GPR83: variants seen among roughly 807,000 people sequenced by gnomAD.
The protein encoded by GPR83 is G protein-coupled receptor 83.
In GPR83, 23 loss-of-function variants were observed where a neutral mutation model predicts 28.0. The observed-to-expected ratio is 0.82, with a 90% confidence interval of 0.59 to 1.16. The LOEUF (loss-of-function observed/expected upper bound fraction) is 1.16. Among genes scored for constraint, GPR83 ranks in the 50% most tolerant of loss-of-function variants. The pLI, the probability that GPR83 is intolerant of heterozygous loss-of-function variation, is 0.00. For synonymous variants in GPR83, 234 were observed against 215.4 expected, an observed-to-expected ratio of 1.09 and a Z score of -0.76; for missense variants, 610 against 536.6, an observed-to-expected ratio of 1.14 and a Z score of -1.35.
At chr11:94,394,568 G>T (rs1267631826) in intron 2 of GPR83, among the ~76,000 whole-genome samples, 1 of 152,206 alleles carries the variant, frequency 6.6e-6, no homozygotes, top group African/African-American at 2.4e-5. Context: ...GTCAGGAAGA[G>T]CTGGCACCAC....
rs546280861 is a variant in GPR83 at position 94,379,986 on chromosome 11, T to A, written c.*163A>T. ...TTGGTGGTGCCTTTTAGTTTTCACA[T>A]CACATGGGGCTAGGAGGCTGGACAG... On this transcript the variant is annotated 3_prime_UTR_variant, in exon 4 of 4. Coordinates refer to ENST00000243673, the MANE Select transcript of GPR83 (RefSeq NM_016540.4). 276 of 482,350 alleles carry A rather than the reference T, an allele frequency of 5.7e-4. No homozygotes were observed. Among genetic ancestry groups the A allele is most frequent in the Non-Finnish European group, 9.1e-4 (257 of 283,594 alleles). 29.9% of individuals were successfully genotyped at this position (482,350 alleles called of 1,614,324 possible). A position where few individuals can be genotyped will look rare whatever the true frequency, so the allele number is the denominator to read the frequency against.
chr11:94,400,826 A>G, intron 1 of GPR83, 35 bp downstream of exon 1: 1 of 1,600,978 alleles, frequency 6.2e-7, no homozygotes, highest in Non-Finnish European at 8.5e-7. Flanking sequence ...GGAGACGAAG[A>G]CAGAAGGTGG....
rs1944714719 is a variant in GPR83 at position 94,383,468 on chromosome 11, C to A, written c.648-2695G>T. 2.0e-5 allele frequency among the ~76,000 whole-genome samples: 3 copies of A among 151,994 alleles called. No homozygotes were observed. The South Asian group carries it at 6.2e-4, about 32-fold the overall frequency. On this transcript the variant is annotated intron_variant, in intron 3 of 3. Transcript: ENST00000243673. Reference sequence around the variant, plus strand: ...AACAAATTCAAAAGCTAGCAGAAGGCAAGAAATAACAAAGATCAGAGCAGA... The same window carrying A: ...AACAAATTCAAAAGCTAGCAGAAGGAAAGAAATAACAAAGATCAGAGCAGA...
intron 3 of GPR83, among the ~76,000 whole-genome samples, chr11:94,390,145 G>C (rs999206217): frequency 4.0e-5 from 6 of 149,900 alleles, no homozygotes; most frequent in Admixed American, 1.3e-4. Context: ...ACAGGAAGGG[G>C]AATATCACAC....
chr11:94,401,329 G>C lies in GPR83; in HGVS notation c.-82C>G. 4 of 1,377,502 alleles carry C rather than the reference G, an allele frequency of 2.9e-6. No individual in the cohort carries two copies. The highest frequency in any genetic ancestry group is 3.9e-6 in the Non-Finnish European group (4 of 1,035,826). 85.3% of individuals were successfully genotyped at this position (1,377,502 alleles called of 1,614,324 possible). On this transcript the variant is annotated 5_prime_UTR_variant, in exon 1 of 4. Coordinates refer to ENST00000243673, the MANE Select transcript of GPR83 (RefSeq NM_016540.4). Reference sequence around the variant, plus strand: ...GGATCGGAGCGCGCAGCCGGGGTGCGGGGCGCACAGCATACAAGGCCGTCC... The same window carrying C: ...GGATCGGAGCGCGCAGCCGGGGTGCCGGGCGCACAGCATACAAGGCCGTCC...
At chr11:94,399,026 G>T (rs866280934) in intron 1 of GPR83, among the ~76,000 whole-genome samples, 1 of 152,108 alleles carries the variant, frequency 6.6e-6, no homozygotes, top group Non-Finnish European at 1.5e-5. Flanking sequence ...CTGTCCTCGC[G>T]TCCATGGCCT....
intron 2 of GPR83, among the ~76,000 whole-genome samples, chr11:94,394,989 G>T (rs2134694997): frequency 6.6e-6 from 1 of 152,284 alleles, no homozygotes; most frequent in Non-Finnish European, 1.5e-5. Context: ...GTTAAATTAA[G>T]GGAGATGGTT....
intron 3 of GPR83, among the ~76,000 whole-genome samples, chr11:94,387,035 G>T (rs1028575873): frequency 3.3e-5 from 5 of 152,062 alleles, no homozygotes; most frequent in African/African-American, 7.2e-5. Context: ...ACTCAAAACC[G>T]CTCAACTACA....
At chr11:94,386,422 A>T (rs1944756438) in intron 3 of GPR83, among the ~76,000 whole-genome samples, 1 of 152,212 alleles carries the variant, frequency 6.6e-6, no homozygotes, top group African/African-American at 2.4e-5. Flanking sequence ...TAAAGAGTCA[A>T]GTCCCATCAG....
At chr11:94,386,020 C>A (rs1356665198) in intron 3 of GPR83, among the ~76,000 whole-genome samples, 1 of 152,102 alleles carries the variant, frequency 6.6e-6, no homozygotes, top group Non-Finnish European at 1.5e-5. Context: ...CCCTACAAGC[C>A]AGAAGAGAGT....
At chr11:94,389,269 G>A (rs1472765966) in intron 3 of GPR83, among the ~76,000 whole-genome samples, 2 of 152,170 alleles carry the variant, frequency 1.3e-5, no homozygotes, top group Admixed American at 6.5e-5. Flanking sequence ...CATGGGCAAG[G>A]ACTTCATGTC....
Position 94,385,106 on chromosome 11 carries a change from G to A in GPR83, c.648-4333C>T, listed in dbSNP as rs551545981. 1.4e-4 allele frequency among the ~76,000 whole-genome samples: 21 copies of A among 152,272 alleles called. No homozygotes were observed. The South Asian group carries it at 1.4e-3, about 11-fold the overall frequency. On this transcript the variant is annotated intron_variant, in intron 3 of 3. Coordinates refer to ENST00000243673, the MANE Select transcript of GPR83 (RefSeq NM_016540.4). Reference sequence around the variant, plus strand: ...CAAACAGGGTCTGAAGTGGACCTCCGGCAAACTCCAACAGACCTGAAGCTG... The same window carrying A: ...CAAACAGGGTCTGAAGTGGACCTCCAGCAAACTCCAACAGACCTGAAGCTG...
chr11:94,384,956 C>T (rs1944734613), intron 3 of GPR83, among the ~76,000 whole-genome samples: 1 of 152,212 alleles, frequency 6.6e-6, no homozygotes, highest in East Asian at 1.9e-4. Context: ...CCAGGAGGGG[C>T]AGACTGACAT....
intron 2 of GPR83, among the ~76,000 whole-genome samples, chr11:94,394,408 C>T (rs1944846363): frequency 6.6e-6 from 1 of 152,216 alleles, no homozygotes; most frequent in Non-Finnish European, 1.5e-5. Context: ...GACTGAAATG[C>T]ATCTTGGAGT....
At chr11:94,388,193 A>G (rs1344433709) in intron 3 of GPR83, among the ~76,000 whole-genome samples, 1 of 152,226 alleles carries the variant, frequency 6.6e-6, no homozygotes, top group African/African-American at 2.4e-5. Flanking sequence ...AGAGCTATCT[A>G]TGACAAACCC....
In GPR83 at chr11:94,378,676, T is replaced by C. The variant is rs1554990608; in HGVS notation, c.*1473A>G. On this transcript the variant is annotated 3_prime_UTR_variant, in exon 4 of 4. Coordinates refer to ENST00000243673, the MANE Select transcript of GPR83 (RefSeq NM_016540.4). Reference sequence around the variant, plus strand: ...TTTGAGAAATGGTGTGAAAAAACCCTCATTATTTAGACAACACAGCGAAAT... The same window carrying C: ...TTTGAGAAATGGTGTGAAAAAACCCCCATTATTTAGACAACACAGCGAAAT... 1 of 152,642 alleles carries C rather than the reference T, an allele frequency of 6.6e-6. No homozygotes were observed. The highest frequency in any genetic ancestry group is 2.1e-4 in the South Asian group (1 of 4,824). 9.5% of individuals were successfully genotyped at this position (152,642 alleles called of 1,614,324 possible). A position where few individuals can be genotyped will look rare whatever the true frequency, so the allele number is the denominator to read the frequency against.
intron 1 of GPR83, among the ~76,000 whole-genome samples, chr11:94,397,612 G>T (rs1170130865): frequency 1.3e-5 from 2 of 152,214 alleles, no homozygotes; most frequent in Non-Finnish European, 2.9e-5. Flanking sequence ...TGTAAAATGG[G>T]CTAACCCTTT....
chr11:94,397,122 C>T (rs1591608675), intron 1 of GPR83, among the ~76,000 whole-genome samples: 2 of 152,170 alleles, frequency 1.3e-5, no homozygotes, highest in Admixed American at 6.5e-5. Context: ...CTTGGCTAAA[C>T]TGGCCTTGCA....
At chr11:94,389,155 C>A (rs929641022) in intron 3 of GPR83, among the ~76,000 whole-genome samples, 1 of 152,252 alleles carries the variant, frequency 6.6e-6, no homozygotes, top group Admixed American at 6.5e-5. Context: ...CTTCCTTACA[C>A]CTTACACAAA....
Sources: gnomAD v4.1 joint callset for allele counts (sites outside exome capture counted in the v4.1 genomes callset) on GRCh38, gnomAD v4.1.1 for gene constraint, MANE v1.5 for transcripts, NCBI Gene and HGNC (gene_info 2026-07-23, HGNC 2026-07-21) for gene names.